The following ADD3 variants were observed in gnomAD, a reference collection of about 807,000 sequenced individuals.
The protein encoded by ADD3 is adducin 3, also known as gamma-adducin.
A neutral mutation model predicts 80.2 loss-of-function variants in ADD3; 25 were observed. That is an observed-to-expected ratio of 0.31 (90% CI 0.23 to 0.44). The LOEUF (loss-of-function observed/expected upper bound fraction) is 0.44, where lower values mean the gene tolerates loss of function less well. Among genes scored for constraint, ADD3 ranks in the 20% least tolerant of loss-of-function variants. ADD3 has a pLI of 1.00. For missense variants in ADD3, 829 were observed against 847.5 expected (o/e 0.98, Z 0.27); for synonymous variants, 284 against 289.6 (o/e 0.98, Z 0.20).
At chr10:110,054,968 G>A (rs970833158) in intron 1 of ADD3, among the ~76,000 whole-genome samples, 1 of 151,262 alleles carries the variant, frequency 6.6e-6, no homozygotes, top group Non-Finnish European at 1.5e-5. Flanking sequence ...TCTCCATGTT[G>A]GCCAGGCTGG....
At chr10:110,109,689 AG>A (rs1309024830) in intron 2 of ADD3, among the ~76,000 whole-genome samples, 2 of 152,216 alleles carry the variant, frequency 1.3e-5, no homozygotes, top group Non-Finnish European at 2.9e-5. Context: ...GAGTTCCAAA[AG>A]AGCAGATTGG....
chr10:110,005,425 T>C (rs909779342), upstream of ADD3, among the ~76,000 whole-genome samples: 5 of 152,220 alleles, frequency 3.3e-5, no homozygotes, highest in African/African-American at 1.2e-4. Flanking sequence ...TTTCTAATAC[T>C]GGTATTCACT....
chr10:110,095,062 A>T (rs1187646219), intron 1 of ADD3, among the ~76,000 whole-genome samples: 1 of 152,196 alleles, frequency 6.6e-6, no homozygotes. Flanking sequence ...AATAATGCAA[A>T]CCAGATTTAT....
rs751348485 is a variant in ADD3, at chr10:110,116,410, A to G, written c.486A>G (p.Ser162=). Residue 162 remains serine (S), a splice_region_variant and synonymous_variant, in exon 4 of 15, where the codon TCA becomes TCG. Coordinates refer to ENST00000356080, the MANE Select transcript of ADD3 (RefSeq NM_016824.5). The part of the protein sequence containing the change: ...GWAHLANTYI[S]VRISKEQDHI... ...CACACCTGGCAAATACCTATATCTC[A>G]GTGAGTTCTTCAGCTTTCAATTCCT... 3.7e-6 allele frequency: 6 copies of G among 1,610,738 alleles called. No homozygotes were observed. In the South Asian group the frequency reaches 4.4e-5, roughly 12 times the overall value.
At chr10:110,098,522 C>A (rs1312883180) in intron 1 of ADD3, among the ~76,000 whole-genome samples, 1 of 152,160 alleles carries the variant, frequency 6.6e-6, no homozygotes, top group Non-Finnish European at 1.5e-5. Flanking sequence ...ATTTGCAAAG[C>A]CTTCTATCTA....
chr10:110,063,766 TATATATATATATATATAA>T (rs1039765376), intron 1 of ADD3, among the ~76,000 whole-genome samples: 3 of 75,158 alleles, frequency 4.0e-5, no homozygotes, highest in African/African-American at 1.1e-4. Flanking sequence ...TATATATATA[TATATATATATATATATAA>T]AGTGAACACC....
At chr10:110,002,072 C>G (rs1354228696), upstream of ADD3, among the ~76,000 whole-genome samples, 1 of 152,002 alleles carries the variant, frequency 6.6e-6, no homozygotes, top group Non-Finnish European at 1.5e-5. Context: ...GTGGGCAGAT[C>G]GCTCGAGGCC....
intron 1 of ADD3, among the ~76,000 whole-genome samples, chr10:110,042,956 G>A (rs939984907): frequency 1.3e-5 from 2 of 152,102 alleles, no homozygotes; most frequent in African/African-American, 4.8e-5. Context: ...CAGAGTTTCG[G>A]TGGGTCATAT....
At chr10:110,073,661 C>T (rs1470267810) in intron 1 of ADD3, among the ~76,000 whole-genome samples, 1 of 152,196 alleles carries the variant, frequency 6.6e-6, no homozygotes, top group South Asian at 2.1e-4. Context: ...CTGATCATCT[C>T]CTTGCCCCCT....
intron 1 of ADD3, among the ~76,000 whole-genome samples, chr10:110,064,589 C>G (rs1843677362): frequency 6.6e-6 from 1 of 152,002 alleles, no homozygotes; most frequent in Non-Finnish European, 1.5e-5. Context: ...GGTTATTTTT[C>G]TTTTTATTAT....
At position 110,119,520 on chromosome 10, in the gene ADD3, G is replaced by A. The variant is rs749003106; in HGVS notation, c.916G>A (p.Ala306Thr). Reference protein sequence around the residue: ...VVALGETLEEAFHYIFNVQLA... With the variant: ...VVALGETLEETFHYIFNVQLA... ...TGCACTTGGAGAAACATTAGAGGAG[G>A]CTTTTCATTATATTTTTAATGTGCA... Residue 306 changes from alanine to threonine, a missense_variant, in exon 8 of 15, where the codon GCT becomes ACT. Ala to Thr is a moderately conservative substitution (Grantham distance 58, BLOSUM62 0). Coordinates refer to ENST00000356080, the MANE Select transcript of ADD3 (RefSeq NM_016824.5). The A allele has an allele frequency of 6.2e-7, 1 of 1,614,060 alleles. No individual in the cohort carries two copies. Among genetic ancestry groups the A allele is most frequent in the South Asian group, 1.1e-5 (1 of 91,074 alleles).
chr10:110,082,194 T>C (rs984997750), intron 1 of ADD3, among the ~76,000 whole-genome samples: 2 of 151,876 alleles, frequency 1.3e-5, no homozygotes, highest in African/African-American at 2.4e-5. Flanking sequence ...GAACAACAAG[T>C]GTCATGACTA....
intron 1 of ADD3, among the ~76,000 whole-genome samples, chr10:110,072,627 A>T (rs1844871569): frequency 6.6e-6 from 1 of 152,222 alleles, no homozygotes. Context: ...GAAATTATAG[A>T]ATATAGTCAG....
At chr10:110,071,554 T>TGAA (rs1844718466) in intron 1 of ADD3, among the ~76,000 whole-genome samples, 1 of 152,262 alleles carries the variant, frequency 6.6e-6, no homozygotes, top group South Asian at 2.1e-4. Context: ...AAACAGAAAT[T>TGAA]ATTCATGATT....
At chr10:110,060,259 TAAC>T (rs1054275388) in intron 1 of ADD3, among the ~76,000 whole-genome samples, 4 of 152,246 alleles carry the variant, frequency 2.6e-5, no homozygotes, top group African/African-American at 7.2e-5. Context: ...CCTAATATAT[TAAC>T]GTTTATTCCA....
chr10:110,104,222 G>A (rs1307511472), intron 2 of ADD3, among the ~76,000 whole-genome samples: 2 of 152,186 alleles, frequency 1.3e-5, no homozygotes, highest in Non-Finnish European at 2.9e-5. Flanking sequence ...CAAAGCAATT[G>A]TGAAATCCAT....
intron 9 of ADD3, 173 bp from the exon 10 acceptor site, chr10:110,123,844 A>G (rs749835711): frequency 1.6e-6 from 1 of 638,942 alleles, no homozygotes; most frequent in Non-Finnish European, 2.7e-6. Flanking sequence ...TGAAATTTGC[A>G]TAATTTCAGC....
At chr10:110,045,715 T>G in intron 1 of ADD3, among the ~76,000 whole-genome samples, 1 of 152,158 alleles carries the variant, frequency 6.6e-6, no homozygotes, top group South Asian at 2.1e-4. Flanking sequence ...AAGTTAAAAT[T>G]TATCAAAACT....
At chr10:110,125,075 A>G (rs1053423732) in intron 10 of ADD3, among the ~76,000 whole-genome samples, 2 of 152,216 alleles carry the variant, frequency 1.3e-5, no homozygotes, top group African/African-American at 4.8e-5. Context: ...ATATAAACTA[A>G]TGGCATTCAA....
Sources: allele counts gnomAD v4.1 joint callset (sites outside exome capture counted in the v4.1 genomes callset), GRCh38; gene constraint gnomAD v4.1.1; transcripts MANE v1.5; gene names NCBI Gene and HGNC (gene_info 2026-07-23, HGNC 2026-07-21).